GNB4: variants seen among roughly 807,000 people sequenced by gnomAD.
GNB4 encodes the protein guanine nucleotide-binding protein subunit beta-4.
Under a neutral mutation model 45.2 loss-of-function variants are expected in GNB4, and 28 were observed. That is an observed-to-expected ratio of 0.62 (90% CI 0.46 to 0.85). The LOEUF is 0.85. GNB4 is among the 40% of genes least tolerant of loss of function. GNB4 has a pLI of 0.00. For synonymous variants in GNB4, 132 were observed against 143.7 expected (o/e 0.92, Z 0.58); for missense variants, 321 against 425.4 (o/e 0.75, Z 2.16).
At chr3:179,520,027 A>T in the GNB4 span, among the ~76,000 whole-genome samples, 5 of 152,212 alleles carry the variant, frequency 3.3e-5, no homozygotes, top group South Asian at 1.0e-3. Flanking sequence ...TTTTTTGCCT[A>T]TCCACCCCGT....
chr3:179,418,510 A>G (rs1341830787), intron 4 of GNB4, among the ~76,000 whole-genome samples: 6 of 151,862 alleles, frequency 4.0e-5, no homozygotes, highest in Non-Finnish European at 5.9e-5. Context: ...AGAAAAAGAA[A>G]AAGATTAAGA....
chr3:179,483,551 C>A, the GNB4 span, among the ~76,000 whole-genome samples: 1,350 of 152,178 alleles, frequency 8.9e-3, 32 homozygotes, highest in African/African-American at 0.031. Context: ...AACCATCAGC[C>A]TAATTTCATT....
chr3:179,419,069 C>A (rs113082408), intron 4 of GNB4, among the ~76,000 whole-genome samples: 14 of 152,300 alleles, frequency 9.2e-5, no homozygotes, highest in African/African-American at 3.4e-4. Context: ...GTGTTCAATA[C>A]GTATTTGCTT....
At chr3:179,426,655 A>C (rs548429244) in intron 1 of GNB4, among the ~76,000 whole-genome samples, 2 of 152,106 alleles carry the variant, frequency 1.3e-5, no homozygotes, top group East Asian at 1.9e-4. Flanking sequence ...CGGCAAGACC[A>C]TCCTTACTTA....
Position 179,401,247 on chromosome 3 carries a change from C to G in GNB4, c.989G>C (p.Gly330Ala). Residue 330 changes from glycine (G) to alanine (A), a missense_variant, in exon 10 of 10, where the codon GGC becomes GCC. Gly to Ala is a moderately conservative substitution (Grantham distance 60). Coordinates refer to ENST00000232564, the MANE Select transcript of GNB4 (RefSeq NM_021629.4). Reference sequence around the variant, plus strand: ...GATTCTAAGAAAACTGTCCCAAGAGCCTGTTGCCACAGCCATGCCATCATC... The same window carrying G: ...GATTCTAAGAAAACTGTCCCAAGAGGCTGTTGCCACAGCCATGCCATCATC... ...VTDDGMAVAT[G>A]SWDSFLRIWN 3 of 1,613,744 alleles carry G rather than the reference C, an allele frequency of 1.9e-6. No individual in the cohort carries two copies. The African/African-American group carries it at 4.0e-5, about 22-fold the overall frequency.
Position 179,397,425 on chromosome 3 carries a change from C to T in GNB4, c.*3788G>A, listed in dbSNP as rs138048360. ...CCATTTATCTATTAATAGGTTAAGTCTGAAATTCTGTAACATATTCTAGAA... is the reference window on the plus strand; with the variant it reads ...CCATTTATCTATTAATAGGTTAAGTTTGAAATTCTGTAACATATTCTAGAA... On this transcript the variant is annotated 3_prime_UTR_variant, in exon 10 of 10. Transcript: ENST00000232564. The T allele has an allele frequency of 2.6e-5, 4 of 152,312 alleles. No homozygotes were observed. The East Asian group carries it at 7.7e-4, about 29-fold the overall frequency. 9.4% of individuals were successfully genotyped at this position (152,312 alleles called of 1,614,324 possible). A position where few individuals can be genotyped will look rare whatever the true frequency, so the allele number is the denominator to read the frequency against.
chr3:179,450,698 A>G (rs1715846672), intron 1 of GNB4, among the ~76,000 whole-genome samples: 1 of 152,268 alleles, frequency 6.6e-6, no homozygotes. Context: ...ATAGCAATAC[A>G]TATCAAAGTA....
the GNB4 span, among the ~76,000 whole-genome samples, chr3:179,519,502 T>TGTGC: frequency 3.8e-3 from 577 of 151,380 alleles, 3 homozygotes; most frequent in African/African-American, 0.013. Flanking sequence ...CCATAACTGT[T>TGTGC]GTATTGATGG....
chr3:179,426,177 C>T lies in GNB4; in HGVS notation c.24G>A (p.Arg8=). Residue 8 remains arginine (R), a synonymous_variant, in exon 2 of 10, where the codon AGG becomes AGA. Coordinates refer to ENST00000232564, the MANE Select transcript of GNB4 (RefSeq NM_021629.4). MSELEQL[R]QEAEQLRNQI... ...GATTCCGCAGTTGTTCTGCTTCTTG[C>T]CTCAACTGTTCCAGTTCGCTCATTT... 1 of 1,603,130 alleles carries T rather than the reference C, an allele frequency of 6.2e-7. No individual in the cohort carries two copies. The highest frequency in any genetic ancestry group is 8.5e-7 in the Non-Finnish European group (1 of 1,177,652).
At chr3:179,464,399 G>A in the GNB4 span, 2 of 1,249,498 alleles carry the variant, frequency 1.6e-6, no homozygotes, top group Non-Finnish European at 2.3e-6. Flanking sequence ...TGCAGCCCGT[G>A]CACAGCTGCT....
chr3:179,403,105 G>C (rs1257915702), intron 9 of GNB4, among the ~76,000 whole-genome samples: 4 of 152,174 alleles, frequency 2.6e-5, no homozygotes, highest in Non-Finnish European at 4.4e-5. Flanking sequence ...GATGGAAAAA[G>C]GAAGAAAGGC....
chr3:179,482,005 C>T, the GNB4 span, among the ~76,000 whole-genome samples: 7 of 152,112 alleles, frequency 4.6e-5, no homozygotes, highest in African/African-American at 9.7e-5. Flanking sequence ...CTGGCTCAAA[C>T]AATCCTCCCG....
At chr3:179,507,868 C>T in the GNB4 span, among the ~76,000 whole-genome samples, 6 of 152,198 alleles carry the variant, frequency 3.9e-5, no homozygotes, top group Admixed American at 2.0e-4. Flanking sequence ...TCTTGTTCAT[C>T]ATATGATTGG....
At chr3:179,416,322 G>T (rs1214029829) in intron 5 of GNB4, among the ~76,000 whole-genome samples, 171 bp downstream of exon 5, 1 of 151,890 alleles carries the variant, frequency 6.6e-6, no homozygotes, top group Admixed American at 6.6e-5. Flanking sequence ...AAATGAAAAA[G>T]GGTTAAACAT....
chr3:179,489,760 C>T, the GNB4 span, among the ~76,000 whole-genome samples: 2 of 152,270 alleles, frequency 1.3e-5, no homozygotes, highest in East Asian at 1.9e-4. Context: ...CTTATGTATG[C>T]TGGAGAATTG....
At chr3:179,522,343 A>G in the GNB4 span, among the ~76,000 whole-genome samples, 1 of 142,312 alleles carries the variant, frequency 7.0e-6, no homozygotes, top group Admixed American at 6.7e-5. Flanking sequence ...TCACCTACCC[A>G]AATCTTATAA....
intron 1 of GNB4, among the ~76,000 whole-genome samples, chr3:179,429,853 T>C (rs1315415397): frequency 6.6e-6 from 1 of 152,252 alleles, no homozygotes; most frequent in African/African-American, 2.4e-5. Flanking sequence ...GCACTGCTTC[T>C]GCTTTTGCTA....
At chr3:179,464,198 T>G in the GNB4 span, 1 of 366,266 alleles carries the variant, frequency 2.7e-6, no homozygotes, top group Non-Finnish European at 5.2e-6. Context: ...GTGGCTCACA[T>G]CTATAATCCC....
the GNB4 span, among the ~76,000 whole-genome samples, chr3:179,456,712 T>G: frequency 6.6e-6 from 1 of 152,204 alleles, no homozygotes; most frequent in Non-Finnish European, 1.5e-5. Context: ...TTTACAGCCT[T>G]AATTATAGTC....
Sources: gnomAD v4.1 joint callset for allele counts (sites outside exome capture counted in the v4.1 genomes callset) on GRCh38, gnomAD v4.1.1 for gene constraint, MANE v1.5 for transcripts, NCBI Gene and HGNC (gene_info 2026-07-23, HGNC 2026-07-21) for gene names.